Variants in MORN1 observed in about 807,000 individuals in gnomAD.
MORN1 encodes MORN repeat-containing protein 1.
MORN1 carries 67 observed loss-of-function variants against 61.9 expected under a neutral mutation model. The observed-to-expected ratio is 1.08, with a 90% CI of 0.89 to 1.33. The LOEUF is 1.33. Among genes scored for constraint, MORN1 ranks in the 40% most tolerant of loss-of-function variants. The pLI is 0.00. For missense variants in MORN1, 752 were observed against 691.2 expected, an observed-to-expected ratio of 1.09 and a Z score of -0.99; for synonymous variants, 301 against 292.0, an observed-to-expected ratio of 1.03 and a Z score of -0.31.
At chr1:2,340,366 G>A (rs1641369399) in intron 10 of MORN1, among the ~76,000 whole-genome samples, 1 of 152,130 alleles carries the variant, frequency 6.6e-6, no homozygotes, top group Admixed American at 6.5e-5. Context: ...CACCAGAGCA[G>A]ACCTGAGTCC....
chr1:2,357,309 G>A lies in MORN1; in HGVS notation c.1036+123C>T. 3 of 1,100,232 alleles carry A rather than the reference G, an allele frequency of 2.7e-6. No homozygotes were observed. The highest frequency in any genetic ancestry group is 1.6e-5 in the South Asian group (1 of 61,670). 68.2% of individuals were successfully genotyped at this position (1,100,232 alleles called of 1,614,324 possible). A position where few individuals can be genotyped will look rare whatever the true frequency, so the allele number is the denominator to read the frequency against. ...CTGCCTCCTTTCACCCACGCGTGAT[G>A]ACTGACCCTGGGTGCGGCTTGCTCC... On this transcript the variant is annotated intron_variant, in intron 10 of 13. Transcript: ENST00000378531. This position sits in a 1 kb window ranked among gnomAD's most constrained non-coding sequence, Gnocchi z 6.3.
intron 7 of MORN1, 29 bp downstream of exon 7, chr1:2,374,432 A>G (rs1365861396): frequency 1.9e-6 from 3 of 1,541,022 alleles, no homozygotes; most frequent in Non-Finnish European, 2.6e-6. Context: ...TGGACCTCAC[A>G]GTGCCCACAG....
chr1:2,331,060 G>A (rs1166890832), intron 12 of MORN1, among the ~76,000 whole-genome samples: 3 of 152,184 alleles, frequency 2.0e-5, no homozygotes, highest in Admixed American at 6.5e-5. Flanking sequence ...GGCAGCAGGC[G>A]GCGGGCACGT....
chr1:2,325,157 C>CTTCCTTCCCTCCCTTCCT, intron 12 of MORN1, among the ~76,000 whole-genome samples: 1 of 81,466 alleles, frequency 1.2e-5, no homozygotes, highest in Non-Finnish European at 2.6e-5. Flanking sequence ...CCTTCCTTCC[C>CTTCCTTCCCTCCCTTCCT]TCCCTTCCTT....
chr1:2,337,643 C>CCA lies in MORN1; in HGVS notation c.1037-795_1037-794dup, dbSNP rs1182573378. ...AGGAGATAACTTCAGTGCAGCCCCT[C>CCA]CACACACACACATCAGAGCCCACGT... On this transcript the variant is annotated intron_variant, in intron 10 of 13. Transcript: ENST00000378531. The surrounding 1 kb of genome is among the most constrained non-coding windows in gnomAD (Gnocchi z 5.7). 1.3e-5 allele frequency among the ~76,000 whole-genome samples: 2 copies of CCA among 152,142 alleles called. No homozygotes were observed. Among genetic ancestry groups the CCA allele is most frequent in the African/African-American group, 2.4e-5 (1 of 41,430 alleles).
intron 8 of MORN1, among the ~76,000 whole-genome samples, chr1:2,360,662 C>G (rs1212455636): frequency 6.6e-6 from 1 of 152,158 alleles, no homozygotes; most frequent in Admixed American, 6.5e-5. Context: ...GAGGGAGGAC[C>G]CTGCAGCCCG....
intron 6 of MORN1, chr1:2,379,191 CCTT>C (rs1270399373): frequency 2.1e-6 from 1 of 470,508 alleles, no homozygotes; most frequent in Non-Finnish European, 4.4e-6. Context: ...GCCGATGTCT[CCTT>C]GAGTTTCTCC....
intron 10 of MORN1, chr1:2,352,353 C>G (rs527790195): frequency 1.3e-5 from 2 of 158,488 alleles, no homozygotes; most frequent in African/African-American, 4.8e-5. Flanking sequence ...AACTGGGGTC[C>G]CCAGTGGCTG....
At chr1:2,382,600 G>A (rs1276117096) in intron 6 of MORN1, among the ~76,000 whole-genome samples, 1 of 152,208 alleles carries the variant, frequency 6.6e-6, no homozygotes, top group African/African-American at 2.4e-5. Context: ...TTCTGCCCAG[G>A]GACTCCCTTA....
intron 10 of MORN1, among the ~76,000 whole-genome samples, chr1:2,350,081 A>G (rs1170284723): frequency 6.6e-6 from 1 of 152,214 alleles, no homozygotes; most frequent in Non-Finnish European, 1.5e-5. Context: ...CAGGCACCCC[A>G]CTGACAACAA....
intron 6 of MORN1, chr1:2,375,477 A>C (rs924157154): frequency 5.9e-5 from 9 of 152,494 alleles, no homozygotes; most frequent in African/African-American, 2.2e-4. Context: ...ATGGCGCTGG[A>C]GCTCTCTCTG....
intron 10 of MORN1, among the ~76,000 whole-genome samples, chr1:2,356,958 C>T (rs192783286): frequency 1.3e-5 from 2 of 152,160 alleles, no homozygotes; most frequent in African/African-American, 2.4e-5. Context: ...CTCATCTCCA[C>T]GAAGAAACGT....
intron 8 of MORN1, among the ~76,000 whole-genome samples, chr1:2,368,373 CCA>C (rs2100328977): frequency 6.6e-6 from 1 of 152,334 alleles, no homozygotes; most frequent in East Asian, 1.9e-4. Flanking sequence ...ATATTTATAC[CCA>C]CTTTTAACTG....
rs770112467 is a variant in MORN1 at position 2,372,634 on chromosome 1, TC to T, written c.635-44del. The T allele has an allele frequency of 1.0e-4, 155 of 1,502,730 alleles. No individual in the cohort carries two copies. The African/African-American group carries it at 1.9e-3, about 18-fold the overall frequency. The allele number at this position is 1,502,730 out of a possible 1,614,324, so 93.1% of individuals were successfully genotyped here. On this transcript the variant is annotated intron_variant, in intron 7 of 13. Transcript: ENST00000378531. This position sits in a 1 kb window ranked among gnomAD's most constrained non-coding sequence, Gnocchi z 5.4. ...GTGGCTTTAGCGGTGACTGGCATGGTCCCCCACCCACCCCATGGCTGAGTCA... is the reference window on the plus strand; with the variant it reads ...GTGGCTTTAGCGGTGACTGGCATGGTCCCCACCCACCCCATGGCTGAGTCA...
chr1:2,366,489 A>T (rs932836738), intron 8 of MORN1, among the ~76,000 whole-genome samples: 39 of 139,780 alleles, frequency 2.8e-4, no homozygotes, highest in African/African-American at 1.1e-3. Context: ...TAATAAAATT[A>T]AAAAAAAAAT....
intron 12 of MORN1, among the ~76,000 whole-genome samples, chr1:2,333,486 A>G (rs570410745): frequency 6.6e-6 from 1 of 152,306 alleles, no homozygotes; most frequent in Non-Finnish European, 1.5e-5. Flanking sequence ...GGTAGGGGCC[A>G]TGGCTCCTGC....
At chr1:2,379,547 C>T (rs1034576206) in intron 6 of MORN1, among the ~76,000 whole-genome samples, 24 of 152,200 alleles carry the variant, frequency 1.6e-4, no homozygotes, top group African/African-American at 5.3e-4. Context: ...TGGTGAGGGG[C>T]AGGTGCTCAC....
At chr1:2,336,982 G>A in intron 10 of MORN1, 132 bp from the exon 11 acceptor site, 1 of 1,083,990 alleles carries the variant, frequency 9.2e-7, no homozygotes, top group Non-Finnish European at 1.2e-6. Context: ...TGCCATCTTG[G>A]TGGGGGCAGG....
intron 10 of MORN1, chr1:2,351,184 C>T (rs1357967033): frequency 6.6e-6 from 1 of 152,538 alleles, no homozygotes; most frequent in Admixed American, 6.5e-5. Context: ...TGCGTGAGCA[C>T]AGCTGCCCAG....
Sources: gnomAD v4.1 joint callset for allele counts (sites outside exome capture counted in the v4.1 genomes callset) on GRCh38, gnomAD v4.1.1 for gene constraint, Gnocchi (gnomAD v3.1) non-coding constraint, MANE v1.5 for transcripts, NCBI Gene and HGNC (gene_info 2026-07-23, HGNC 2026-07-21) for gene names.